The following BAZ2B variants were observed in gnomAD, a reference collection of about 807,000 sequenced individuals.
BAZ2B encodes bromodomain adjacent to zinc finger domain 2B, also known as bromodomain adjacent to zinc finger domain protein 2B.
A neutral mutation model predicts 246.0 loss-of-function variants in BAZ2B; 91 were observed. That is an observed-to-expected ratio of 0.37 (90% CI 0.31 to 0.44). The LOEUF is 0.44. Among genes scored for constraint, BAZ2B ranks in the 20% least tolerant of loss-of-function variants. BAZ2B has a pLI of 1.00. For synonymous variants in BAZ2B, 855 were observed against 860.0 expected (o/e 0.99, Z 0.10); for missense variants, 2,332 against 2,533.7 (o/e 0.92, Z 1.71).
the BAZ2B span, among the ~76,000 whole-genome samples, chr2:159,625,825 T>A: frequency 6.6e-6 from 1 of 151,576 alleles, no homozygotes; most frequent in Admixed American, 6.6e-5. Context: ...TCACACATAA[T>A]ACTAAACTTA....
At chr2:159,684,747 T>C in the BAZ2B span, among the ~76,000 whole-genome samples, 1 of 152,230 alleles carries the variant, frequency 6.6e-6, no homozygotes, top group Non-Finnish European at 1.5e-5. Context: ...GCTATACTTT[T>C]ATTTGCACAC....
intron 27 of BAZ2B, among the ~76,000 whole-genome samples, chr2:159,369,988 C>T (rs2060644436): frequency 6.6e-6 from 1 of 152,022 alleles, no homozygotes; most frequent in Admixed American, 6.6e-5. Context: ...TACTATGCAG[C>T]CATAGAAAAG....
chr2:159,639,642 G>A, the BAZ2B span, among the ~76,000 whole-genome samples: 1 of 151,926 alleles, frequency 6.6e-6, no homozygotes, highest in South Asian at 2.1e-4. Flanking sequence ...GGGTTATAAG[G>A]TAGTATTTGC....
At chr2:159,484,510 T>C (rs1206338235) in intron 2 of BAZ2B, among the ~76,000 whole-genome samples, 2 of 152,206 alleles carry the variant, frequency 1.3e-5, no homozygotes, top group African/African-American at 4.8e-5. Context: ...CATTTATCTA[T>C]AACAATTCTG....
chr2:159,625,724 T>A, the BAZ2B span, among the ~76,000 whole-genome samples: 1 of 151,998 alleles, frequency 6.6e-6, no homozygotes, highest in South Asian at 2.1e-4. Flanking sequence ...TGCAAAAACA[T>A]ACCAAATTGG....
At chr2:159,496,672 C>A (rs1422202163) in intron 2 of BAZ2B, among the ~76,000 whole-genome samples, 3 of 149,662 alleles carry the variant, frequency 2.0e-5, no homozygotes, top group Non-Finnish European at 4.4e-5. Context: ...ATCCCAACTA[C>A]TCAGGAAGGC....
At chr2:159,690,869 A>G in the BAZ2B span, among the ~76,000 whole-genome samples, 1 of 118,350 alleles carries the variant, frequency 8.4e-6, no homozygotes, top group Non-Finnish European at 2.0e-5. Flanking sequence ...TTGTACTTCT[A>G]CTGATTCCTC....
chr2:159,628,393 G>A, the BAZ2B span, among the ~76,000 whole-genome samples: 1 of 152,192 alleles, frequency 6.6e-6, no homozygotes, highest in Non-Finnish European at 1.5e-5. Context: ...CAAAGCTGTA[G>A]GCGTCACGCT....
Position 159,453,640 on chromosome 2 carries a change from C to A in BAZ2B, c.307G>T (p.Ala103Ser). 2 of 1,610,072 alleles carry A rather than the reference C, an allele frequency of 1.2e-6. No individual in the cohort carries two copies. The highest frequency in any genetic ancestry group is 1.7e-6 in the Non-Finnish European group (2 of 1,178,008). Residue 103 changes from alanine to serine, a missense_variant, in exon 4 of 37, where the codon GCA becomes TCA. Coordinates refer to ENST00000392783, the MANE Select transcript of BAZ2B (RefSeq NM_013450.4). ...GTLGTPTALA[A>S]HPQLASFPGA... ...GGAAAAGATGCTAGTTGGGGATGTG[C>A]GGCTAAGGCTGTGGGTGTACCAAGT...
At chr2:159,395,535 C>T (rs2063897033) in intron 20 of BAZ2B, 1 of 340,610 alleles carries the variant, frequency 2.9e-6, no homozygotes, top group Non-Finnish European at 5.4e-6. Flanking sequence ...ATTTACTACA[C>T]TAAAAAAAGA....
At chr2:159,439,845 G>T (rs1162140349) in intron 6 of BAZ2B, among the ~76,000 whole-genome samples, 1 of 151,778 alleles carries the variant, frequency 6.6e-6, no homozygotes, top group Non-Finnish European at 1.5e-5. Context: ...TTTCATTTCA[G>T]AAAATATTAA....
At chr2:159,356,829 C>T (rs1039500420) in intron 27 of BAZ2B, among the ~76,000 whole-genome samples, 1 of 152,118 alleles carries the variant, frequency 6.6e-6, no homozygotes, top group African/African-American at 2.4e-5. Flanking sequence ...TGATAACAGG[C>T]AAACAAGGGT....
At chr2:159,590,547 G>A (rs372100165) in intron 1 of BAZ2B, among the ~76,000 whole-genome samples, 5 of 152,038 alleles carry the variant, frequency 3.3e-5, no homozygotes, top group Admixed American at 6.6e-5. Context: ...AGCCAAGATC[G>A]TGCCACTTCA....
intron 20 of BAZ2B, among the ~76,000 whole-genome samples, chr2:159,390,095 C>G (rs573981203): frequency 1.3e-5 from 2 of 152,174 alleles, no homozygotes; most frequent in South Asian, 2.1e-4. Flanking sequence ...ATTATCGTTA[C>G]TTTTTCATCA....
chr2:159,633,302 G>C, the BAZ2B span, among the ~76,000 whole-genome samples: 1 of 151,980 alleles, frequency 6.6e-6, no homozygotes, highest in South Asian at 2.1e-4. Context: ...CAAAGTATCT[G>C]ATACAATGTG....
chr2:159,595,131 T>G (rs1048706945), intron 1 of BAZ2B, among the ~76,000 whole-genome samples: 1 of 151,472 alleles, frequency 6.6e-6, no homozygotes, highest in African/African-American at 2.4e-5. Flanking sequence ...AAACGGAGTT[T>G]TGCTCTTGTT....
chr2:159,440,006 T>C (rs1005865482), intron 6 of BAZ2B, among the ~76,000 whole-genome samples: 1 of 152,092 alleles, frequency 6.6e-6, no homozygotes, highest in African/African-American at 2.4e-5. Flanking sequence ...GAAAACATAA[T>C]AGTAGTGGAC....
intron 2 of BAZ2B, among the ~76,000 whole-genome samples, chr2:159,495,213 C>T (rs1050235472): frequency 3.9e-5 from 6 of 151,946 alleles, no homozygotes; most frequent in African/African-American, 9.7e-5. Context: ...AGGCCGGGCG[C>T]GGTGGCTCAC....
chr2:159,698,540 AAG>A, the BAZ2B span, among the ~76,000 whole-genome samples: 43 of 147,226 alleles, frequency 2.9e-4, no homozygotes, highest in African/African-American at 1.1e-3. Flanking sequence ...AAAAAAAACA[AAG>A]AAAAAGAGAA....
Sources: allele counts gnomAD v4.1 joint callset (sites outside exome capture counted in the v4.1 genomes callset), GRCh38; gene constraint gnomAD v4.1.1; transcripts MANE v1.5; gene names NCBI Gene and HGNC (gene_info 2026-07-23, HGNC 2026-07-21).